The following MRPS11 variants were observed in gnomAD, a reference collection of about 807,000 sequenced individuals.
The protein encoded by MRPS11 is small ribosomal subunit protein uS11m.
A neutral mutation model predicts 24.3 loss-of-function variants in MRPS11; 27 were observed. The observed-to-expected ratio is 1.11, with a 90% CI of 0.82 to 1.53. MRPS11 has a LOEUF of 1.53. MRPS11 is among the 40% of genes most tolerant of loss of function. MRPS11 has a pLI of 0.00. For missense variants in MRPS11, 277 were observed against 256.5 expected (o/e 1.08, Z -0.55); for synonymous variants, 104 against 98.7 (o/e 1.05, Z -0.32).
Position 88,477,056 on chromosome 15 carries a change from T to G in MRPS11, c.477+2T>G. 1.2e-6 allele frequency: 2 copies of G among 1,613,782 alleles called. No homozygotes were observed. The highest frequency in any genetic ancestry group is 1.7e-6 in the Non-Finnish European group (2 of 1,179,900). On this transcript the variant is annotated splice_donor_variant, in intron 5 of 5. Transcript: ENST00000325844. LOFTEE classifies it high-confidence loss of function. The surrounding 1 kb of genome is among the most constrained non-coding windows in gnomAD (Gnocchi z 5.7). ...AAAGGCCTGGGGCCAGGACGCTTGG[T>G]AAGTTACAGTGATTTCCATAGTGTA...
In MRPS11 at chr15:88,475,364, G is replaced by A; in HGVS notation, c.411+125G>A. The stretch of plus-strand genomic sequence containing the variant: ...AAGGGTTTGTCATGGCAGCTTTGAT[G>A]CCCTGATTGGAGCATTGGTTTGAAA... On this transcript the variant is annotated intron_variant, in intron 4 of 5. Transcript: ENST00000325844. The surrounding 1 kb of genome is among the most constrained non-coding windows in gnomAD (Gnocchi z 4.1). 1 of 1,355,340 alleles carries A rather than the reference G, an allele frequency of 7.4e-7. No individual in the cohort carries two copies. Among genetic ancestry groups the A allele is most frequent in the Non-Finnish European group, 1.0e-6 (1 of 993,700 alleles). 84.0% of individuals were successfully genotyped at this position (1,355,340 alleles called of 1,614,324 possible).
rs771295188 is a variant in MRPS11 at position 88,475,269 on chromosome 15, A to G, written c.411+30A>G. Reference sequence around the variant, plus strand: ...GTGTGTGTTCCTTCTGCTTCCTTCTAGTGTGTGTTTGCTTTCTGCATGGCT... The same window carrying G: ...GTGTGTGTTCCTTCTGCTTCCTTCTGGTGTGTGTTTGCTTTCTGCATGGCT... On this transcript the variant is annotated intron_variant, in intron 4 of 5. Coordinates refer to ENST00000325844, the MANE Select transcript of MRPS11 (RefSeq NM_022839.5). The surrounding 1 kb of genome is among the most constrained non-coding windows in gnomAD (Gnocchi z 4.1). 3 of 1,613,362 alleles carry G rather than the reference A, an allele frequency of 1.9e-6. No homozygotes were observed. The highest frequency in any genetic ancestry group is 1.7e-5 in the Admixed American group (1 of 59,990).
At position 88,469,229 on chromosome 15, in the gene MRPS11, CAAG is replaced by C. The variant is rs1385667130; in HGVS notation, c.182+1209_182+1211del. 6 of 152,162 alleles carry C rather than the reference CAAG, an allele frequency of 3.9e-5. No homozygotes were observed. The highest frequency in any genetic ancestry group is 2.6e-4 in the Admixed American group (4 of 15,276). The allele number at this position is 152,162 out of a possible 1,614,324, so 9.4% of individuals were successfully genotyped here. On this transcript the variant is annotated intron_variant, in intron 2 of 5. Coordinates refer to ENST00000325844, the MANE Select transcript of MRPS11 (RefSeq NM_022839.5). This position sits in a 1 kb window ranked among gnomAD's most constrained non-coding sequence, Gnocchi z 4.4. ...GTGATGGCAGATGAGGCCAACAAGACAAGAAGGCATCAGAATGCCAGGGGTCTT... is the reference window on the plus strand; with the variant it reads ...GTGATGGCAGATGAGGCCAACAAGACAAGGCATCAGAATGCCAGGGGTCTT...
Position 88,475,729 on chromosome 15 carries a change from G to A in MRPS11, c.411+490G>A, listed in dbSNP as rs2055808582. Among the ~76,000 whole-genome samples, 1 of 152,104 alleles carries A rather than the reference G, an allele frequency of 6.6e-6. No homozygotes were observed. The highest frequency in any genetic ancestry group is 2.1e-4 in the South Asian group (1 of 4,806). ...TCACAGTTGTAATCCCAGCACTTTGGGAGGCCAAGGCAGGCGTAAGAGATC... is the reference window on the plus strand; with the variant it reads ...TCACAGTTGTAATCCCAGCACTTTGAGAGGCCAAGGCAGGCGTAAGAGATC... On this transcript the variant is annotated intron_variant, in intron 4 of 5. Transcript: ENST00000325844. This position sits in a 1 kb window ranked among gnomAD's most constrained non-coding sequence, Gnocchi z 4.1.
rs541746061 is a variant in MRPS11 at position 88,472,871 on chromosome 15, C to G, written c.281+146C>G. 3 of 578,674 alleles carry G rather than the reference C, an allele frequency of 5.2e-6. No homozygotes were observed. The East Asian group carries it at 9.1e-5, about 18-fold the overall frequency. The allele number at this position is 578,674 out of a possible 1,614,324, so 35.8% of individuals were successfully genotyped here. A position where few individuals can be genotyped will look rare whatever the true frequency, so the allele number is the denominator to read the frequency against. Reference sequence around the variant, plus strand: ...GGCGCTAATGTAGGGCACCGTCTTCCTCCTCACTTGAGGAACCACCTGCCA... The same window carrying G: ...GGCGCTAATGTAGGGCACCGTCTTCGTCCTCACTTGAGGAACCACCTGCCA... On this transcript the variant is annotated intron_variant, in intron 3 of 5. Coordinates refer to ENST00000325844, the MANE Select transcript of MRPS11 (RefSeq NM_022839.5).
chr15:88,472,377 G>A (rs11855217), intron 2 of MRPS11: 12,608 of 406,458 alleles, frequency 0.031, 1,371 homozygotes, highest in African/African-American at 0.23. Flanking sequence ...TGGGGAGTAT[G>A]CATGAAAATC....
intron 2 of MRPS11, chr15:88,468,597 A>C: frequency 1.3e-6 from 1 of 783,866 alleles, no homozygotes. Context: ...ACAAAAGATC[A>C]TTCCTCCCCA....
chr15:88,470,851 G>T (rs945109437), intron 2 of MRPS11, among the ~76,000 whole-genome samples: 3 of 152,204 alleles, frequency 2.0e-5, no homozygotes, highest in Non-Finnish European at 4.4e-5. Flanking sequence ...ATGGACAATA[G>T]CTCCCAGGAG....
At position 88,478,161 on chromosome 15, in the gene MRPS11, C is replaced by T. The variant is rs746013374; in HGVS notation, c.*182C>T. 3.3e-6 allele frequency: 2 copies of T among 604,280 alleles called. No homozygotes were observed. Among genetic ancestry groups the T allele is most frequent in the Non-Finnish European group, 5.9e-6 (2 of 339,970 alleles). 37.4% of individuals were successfully genotyped at this position (604,280 alleles called of 1,614,324 possible). On this transcript the variant is annotated 3_prime_UTR_variant, in exon 6 of 6. Transcript: ENST00000325844. The surrounding 1 kb of genome is among the most constrained non-coding windows in gnomAD (Gnocchi z 4.7). ...ACCTCCAGCTGGAGATGGGTGTGCCCCAGAAGTAAGCTTTGCATCTCTTAC... is the reference window on the plus strand; with the variant it reads ...ACCTCCAGCTGGAGATGGGTGTGCCTCAGAAGTAAGCTTTGCATCTCTTAC...
chr15:88,473,210 T>C (rs2055752563), intron 3 of MRPS11, among the ~76,000 whole-genome samples: 1 of 152,206 alleles, frequency 6.6e-6, no homozygotes, highest in Non-Finnish European at 1.5e-5. Flanking sequence ...GCCTCCACCT[T>C]GTAGAGCTAA....
At chr15:88,470,009 G>A (rs1188092544) in intron 2 of MRPS11, among the ~76,000 whole-genome samples, 1 of 152,170 alleles carries the variant, frequency 6.6e-6, no homozygotes, top group Non-Finnish European at 1.5e-5. Flanking sequence ...GAGACACAAT[G>A]TAGACCATTA....
Position 88,475,687 on chromosome 15 carries a change from A to G in MRPS11, c.411+448A>G, listed in dbSNP as rs1451445873. On this transcript the variant is annotated intron_variant, in intron 4 of 5. Transcript: ENST00000325844. The surrounding 1 kb of genome is among the most constrained non-coding windows in gnomAD (Gnocchi z 4.1). ...CCTGTCTCCAAAATAAATTAAAAAT[A>G]GGCCAGGCGCGATGGCTCACAGTTG... 6.6e-6 allele frequency among the ~76,000 whole-genome samples: 1 copy of G among 152,200 alleles called. No individual in the cohort carries two copies. Among genetic ancestry groups the G allele is most frequent in the Non-Finnish European group, 1.5e-5 (1 of 68,032 alleles).
intron 4 of MRPS11, among the ~76,000 whole-genome samples, chr15:88,476,482 C>A (rs2055825584): frequency 6.6e-6 from 1 of 152,164 alleles, no homozygotes; most frequent in Non-Finnish European, 1.5e-5. Context: ...AGATCATATA[C>A]TATGAAAAGA....
At chr15:88,473,764 C>T (rs140022892) in intron 3 of MRPS11, among the ~76,000 whole-genome samples, 116 of 152,340 alleles carry the variant, frequency 7.6e-4, no homozygotes, top group African/African-American at 2.6e-3. Flanking sequence ...TCTCCTGCCT[C>T]CTTCTGTGAG....
intron 2 of MRPS11, chr15:88,468,496 A>T (rs966934369): frequency 6.0e-6 from 6 of 994,100 alleles, no homozygotes; most frequent in South Asian, 4.4e-5. Flanking sequence ...TATGCTGTAT[A>T]CACATCCACT....
chr15:88,472,679 A>T lies in MRPS11; in HGVS notation c.235A>T (p.Lys79Ter), dbSNP rs1282487287. The T allele has an allele frequency of 8.7e-6, 14 of 1,614,176 alleles. No individual in the cohort carries two copies. The highest frequency in any genetic ancestry group is 1.3e-5 in the African/African-American group (1 of 75,056). The change falls in exon 3 of 6, where the codon AAA becomes TAA. Residue 79 changes from lysine to a stop codon, truncating the protein, a stop_gained. Coordinates refer to ENST00000325844, the MANE Select transcript of MRPS11 (RefSeq NM_022839.5). LOFTEE classifies it high-confidence loss of function. ...EESSLRWAGKKFEEIPIAHIK... is the reference protein window; with the variant it reads ...EESSLRWAGK ...GAGCTCTCTGAGGTGGGCAGGAAAG[A>T]AATTTGAGGAGATCCCAATTGCACA... is the stretch of plus-strand genomic sequence containing the variant.
At chr15:88,472,533 G>T in intron 2 of MRPS11, 94 bp from the exon 3 acceptor site, 1 of 1,004,946 alleles carries the variant, frequency 1.0e-6, no homozygotes, top group Non-Finnish European at 1.5e-6. Context: ...AGCAGCAGGG[G>T]GCACAGAGCT....
At position 88,467,743 on chromosome 15, in the gene MRPS11, C is replaced by T. The variant is rs201980995; in HGVS notation, c.26C>T (p.Ser9Leu). 17 of 1,614,034 alleles carry T rather than the reference C, an allele frequency of 1.1e-5. No homozygotes were observed. The highest frequency in any genetic ancestry group is 9.9e-5 in the South Asian group (9 of 91,072). Residue 9 changes from serine to leucine, a missense_variant, in exon 1 of 6, where the codon TCG becomes TTG. Ser to Leu is a moderately radical substitution (Grantham distance 145). Coordinates refer to ENST00000325844, the MANE Select transcript of MRPS11 (RefSeq NM_022839.5). MQAVRNAG[S>L]RFLRSWTWPQ... ...ATGCAGGCTGTGAGAAACGCGGGGT[C>T]GCGGTTCCTGCGGTCCTGGACTTGG...
chr15:88,469,674 A>G lies in MRPS11; in HGVS notation c.182+1650A>G, dbSNP rs374124000. ...TAAGCTCTTTGGCTGCTGTGTTGAT[A>G]TTAAACCATTGGAGAGCAAGAATGG... On this transcript the variant is annotated intron_variant, in intron 2 of 5. Coordinates refer to ENST00000325844, the MANE Select transcript of MRPS11 (RefSeq NM_022839.5). This position sits in a 1 kb window ranked among gnomAD's most constrained non-coding sequence, Gnocchi z 4.4. 3.3e-5 allele frequency among the ~76,000 whole-genome samples: 5 copies of G among 152,232 alleles called. No homozygotes were observed. Among genetic ancestry groups the G allele is most frequent in the African/African-American group, 1.2e-4 (5 of 41,464 alleles).
Sources: gnomAD v4.1 joint callset for allele counts (sites outside exome capture counted in the v4.1 genomes callset) on GRCh38, gnomAD v4.1.1 for gene constraint, Gnocchi (gnomAD v3.1) non-coding constraint, MANE v1.5 for transcripts, NCBI Gene and HGNC (gene_info 2026-07-23, HGNC 2026-07-21) for gene names.